DOK6: variants seen among roughly 807,000 people sequenced by gnomAD.
DOK6 encodes the protein downstream of tyrosine kinase 6.
In DOK6, 22 loss-of-function variants were observed where a neutral mutation model predicts 44.0. That is an observed-to-expected ratio of 0.50 (90% CI 0.36 to 0.71). The LOEUF is 0.71. Ranked by LOEUF, DOK6 falls within the 30% of genes least tolerant of loss-of-function variation. The pLI is 0.00. For synonymous variants in DOK6, 166 were observed against 145.5 expected, an observed-to-expected ratio of 1.14 and a Z score of -1.01; for missense variants, 340 against 416.4, an observed-to-expected ratio of 0.82 and a Z score of 1.60.
intron 7 of DOK6, among the ~76,000 whole-genome samples, chr18:69,787,853 A>G (rs546528014): frequency 6.6e-6 from 1 of 152,340 alleles, no homozygotes; most frequent in East Asian, 1.9e-4. Context: ...AAAGGTTGCA[A>G]TTAATCTGCT....
chr18:69,608,133 A>C (rs1984045557), intron 3 of DOK6, among the ~76,000 whole-genome samples: 1 of 152,220 alleles, frequency 6.6e-6, no homozygotes, highest in Non-Finnish European at 1.5e-5. Flanking sequence ...TCAAGTTATA[A>C]ATTTATTTAA....
chr18:69,645,335 T>C (rs560065866), intron 3 of DOK6, among the ~76,000 whole-genome samples: 1 of 152,342 alleles, frequency 6.6e-6, no homozygotes, highest in South Asian at 2.1e-4. Flanking sequence ...ATTTCATTAT[T>C]AGGAATATTA....
intron 1 of DOK6, among the ~76,000 whole-genome samples, chr18:69,512,332 C>CTTCTTTTTTTTTTTTTTT (rs59109570): frequency 2.2e-5 from 2 of 91,690 alleles, no homozygotes; most frequent in African/African-American, 9.4e-5. Flanking sequence ...CTTTCTTCTT[C>CTTCTTTTTTTTTTTTTTT]TTTTTTTTTT....
intron 7 of DOK6, among the ~76,000 whole-genome samples, chr18:69,832,220 T>C (rs944409266): frequency 2.0e-5 from 3 of 152,176 alleles, no homozygotes; most frequent in African/African-American, 7.2e-5. Context: ...TACCCAATTC[T>C]TTGAGGGTTT....
chr18:69,577,934 A>G (rs768918232), intron 2 of DOK6, among the ~76,000 whole-genome samples: 108 of 152,272 alleles, frequency 7.1e-4, no homozygotes, highest in Admixed American at 7.9e-4. Flanking sequence ...CAGATCACTC[A>G]GTACTTCGGA....
At chr18:69,710,127 C>G (rs1025213484) in intron 5 of DOK6, among the ~76,000 whole-genome samples, 1 of 152,148 alleles carries the variant, frequency 6.6e-6, no homozygotes, top group Non-Finnish European at 1.5e-5. Flanking sequence ...TGCACTGAGC[C>G]ATGTTCATGC....
intron 7 of DOK6, among the ~76,000 whole-genome samples, chr18:69,773,512 A>T (rs1167259493): frequency 6.6e-6 from 1 of 152,082 alleles, no homozygotes; most frequent in African/African-American, 2.4e-5. Flanking sequence ...GCCTCAAAAA[A>T]GATAGAAATC....
intron 7 of DOK6, among the ~76,000 whole-genome samples, chr18:69,803,429 T>C (rs910299483): frequency 9.2e-5 from 14 of 152,266 alleles, no homozygotes; most frequent in African/African-American, 3.4e-4. Context: ...AAGAGGTTAA[T>C]ATGTCAAATG....
intron 7 of DOK6, among the ~76,000 whole-genome samples, chr18:69,827,653 A>T (rs1230990579): frequency 6.6e-6 from 1 of 152,050 alleles, no homozygotes; most frequent in Non-Finnish European, 1.5e-5. Flanking sequence ...TATCCACCAC[A>T]GAATAAAATT....
intron 6 of DOK6, among the ~76,000 whole-genome samples, chr18:69,746,554 C>G (rs1288433882): frequency 6.6e-6 from 1 of 152,152 alleles, no homozygotes; most frequent in Non-Finnish European, 1.5e-5. Context: ...CCGCACCTGG[C>G]CAATACATGA....
intron 5 of DOK6, among the ~76,000 whole-genome samples, chr18:69,728,313 A>G (rs960867625): frequency 1.3e-4 from 18 of 137,188 alleles, no homozygotes; most frequent in South Asian, 1.2e-3. Flanking sequence ...GTCTCACCCA[A>G]TGCTTTCTAA....
intron 7 of DOK6, among the ~76,000 whole-genome samples, chr18:69,823,298 T>C (rs1222629716): frequency 6.6e-6 from 1 of 152,074 alleles, no homozygotes; most frequent in Non-Finnish European, 1.5e-5. Context: ...ATGCAGAGGA[T>C]GCTAACAGAC....
rs564994583 is a variant in DOK6 at position 69,607,954 on chromosome 18, A to G, written c.289+8456A>G. Among the ~76,000 whole-genome samples, 5 of 152,346 alleles carry G rather than the reference A, an allele frequency of 3.3e-5. No homozygotes were observed. In the South Asian group the frequency reaches 1.0e-3, roughly 32 times the overall value. ...AACCCTTATAAAGTGACAAGGAGGA[A>G]ATGTTAACAATTACAGTTATGCAAA... On this transcript the variant is annotated intron_variant, in intron 3 of 7. Transcript: ENST00000382713.
chr18:69,718,791 G>T (rs887768966), intron 5 of DOK6, among the ~76,000 whole-genome samples: 1 of 151,866 alleles, frequency 6.6e-6, no homozygotes. Flanking sequence ...TTTGCCCCTA[G>T]TTTTTTTAAT....
intron 5 of DOK6, among the ~76,000 whole-genome samples, chr18:69,738,478 A>C (rs1019492746): frequency 1.3e-5 from 2 of 152,094 alleles, no homozygotes; most frequent in Non-Finnish European, 2.9e-5. Flanking sequence ...AATTAAAAAA[A>C]ATGTTTTTAA....
At chr18:69,726,705 C>T (rs1394718650) in intron 5 of DOK6, among the ~76,000 whole-genome samples, 1 of 151,718 alleles carries the variant, frequency 6.6e-6, no homozygotes, top group African/African-American at 2.4e-5. Flanking sequence ...TCACAGTTCT[C>T]GTGGCTGAGA....
intron 1 of DOK6, among the ~76,000 whole-genome samples, chr18:69,492,774 C>A: frequency 6.6e-6 from 1 of 151,420 alleles, no homozygotes; most frequent in Non-Finnish European, 1.5e-5. Flanking sequence ...GCATAATATT[C>A]CATGGTGTAT....
At chr18:69,474,873 T>C (rs1334386908) in intron 1 of DOK6, among the ~76,000 whole-genome samples, 1 of 152,186 alleles carries the variant, frequency 6.6e-6, no homozygotes, top group Non-Finnish European at 1.5e-5. Flanking sequence ...TAATTATCTA[T>C]AGCAAAAACT....
intron 7 of DOK6, among the ~76,000 whole-genome samples, chr18:69,785,312 T>C (rs73970266): frequency 0.017 from 2,632 of 152,286 alleles, 66 homozygotes; most frequent in African/African-American, 0.059. Flanking sequence ...CAATTACGCA[T>C]TTGGTTCAGC....
Sources: gnomAD v4.1 joint callset for allele counts (sites outside exome capture counted in the v4.1 genomes callset) on GRCh38, gnomAD v4.1.1 for gene constraint, MANE v1.5 for transcripts, NCBI Gene and HGNC (gene_info 2026-07-23, HGNC 2026-07-21) for gene names.